The following FUT8 variants were observed in gnomAD, a reference collection of about 807,000 sequenced individuals.
FUT8 encodes the protein fucosyltransferase 8.
A neutral mutation model predicts 71.3 loss-of-function variants in FUT8; 29 were observed. The ratio of observed to expected loss-of-function variants is 0.41; its 90% CI spans 0.30 to 0.55. The LOEUF is 0.55. FUT8 is among the 20% of genes least tolerant of loss of function. The pLI is 0.34. For synonymous variants in FUT8, 254 were observed against 239.3 expected (o/e 1.06, Z -0.57); for missense variants, 544 against 702.1 (o/e 0.77, Z 2.55).
chr14:65,692,533 C>T (rs1288363908), intron 7 of FUT8, among the ~76,000 whole-genome samples: 11 of 134,158 alleles, frequency 8.2e-5, no homozygotes, highest in African/African-American at 2.3e-4. Flanking sequence ...CCCTCCCGGA[C>T]GGGGCGGCTG....
chr14:65,678,363 C>T (rs7145319), intron 7 of FUT8, among the ~76,000 whole-genome samples: 9,353 of 152,126 alleles, frequency 0.061, 520 homozygotes, highest in African/African-American at 0.14. Context: ...ATTTAGGTTG[C>T]CCTGTAAAAA....
intron 3 of FUT8, among the ~76,000 whole-genome samples, chr14:65,578,333 G>A (rs1015577640): frequency 4.6e-5 from 7 of 152,168 alleles, no homozygotes; most frequent in Non-Finnish European, 7.3e-5. Context: ...TGACACATCT[G>A]CTACAAAGTC....
intron 3 of FUT8, among the ~76,000 whole-genome samples, chr14:65,592,791 G>A (rs545761283): frequency 3.5e-4 from 53 of 152,216 alleles, no homozygotes; most frequent in Admixed American, 1.6e-3. Context: ...TGGGAACAAT[G>A]CATCTCATGT....
At chr14:65,389,103 C>A in the FUT8 span, among the ~76,000 whole-genome samples, 1 of 151,170 alleles carries the variant, frequency 6.6e-6, no homozygotes, top group African/African-American at 2.4e-5. Flanking sequence ...AAGTGATCCT[C>A]CTGCCTTGGT....
chr14:65,670,075 A>G (rs1175552437), intron 7 of FUT8, among the ~76,000 whole-genome samples: 1 of 152,252 alleles, frequency 6.6e-6, no homozygotes, highest in Non-Finnish European at 1.5e-5. Context: ...GGAAACATTT[A>G]ATGAATAGTA....
chr14:65,471,788 G>A (rs2066151172), intron 2 of FUT8, among the ~76,000 whole-genome samples: 1 of 151,864 alleles, frequency 6.6e-6, no homozygotes, highest in Non-Finnish European at 1.5e-5. Context: ...GAGGTTGGGA[G>A]TGATGAATTA....
intron 2 of FUT8, among the ~76,000 whole-genome samples, chr14:65,543,912 G>A (rs914739119): frequency 6.6e-5 from 10 of 152,172 alleles, no homozygotes; most frequent in African/African-American, 2.2e-4. Flanking sequence ...AAACAGATAT[G>A]CTAAGGTAGA....
At position 65,714,419 on chromosome 14, in the gene FUT8, TTTTATTTA is replaced by T. The variant is rs55846929; in HGVS notation, c.836-7319_836-7312del. The stretch of plus-strand genomic sequence containing the variant: ...TGTGTCTTTTGTGGTTCCATATAAA[TTTTATTTA>T]TTTATTTATTTATTTATTTATTTAT... On this transcript the variant is annotated intron_variant, in intron 7 of 10. Transcript: ENST00000673929. Among the ~76,000 whole-genome samples the T allele has an allele frequency of 5.9e-3, 857 of 145,478 alleles. 5 individuals carry two copies. Among genetic ancestry groups the T allele is most frequent in the East Asian group, 0.025 (125 of 5,002 alleles).
intron 2 of FUT8, among the ~76,000 whole-genome samples, chr14:65,513,214 A>G (rs924873850): frequency 6.6e-6 from 1 of 152,170 alleles, no homozygotes; most frequent in Non-Finnish European, 1.5e-5. Context: ...GTGTTTTCCT[A>G]GTGGATTAAT....
At chr14:65,499,196 C>A (rs528775459) in intron 2 of FUT8, among the ~76,000 whole-genome samples, 1 of 152,180 alleles carries the variant, frequency 6.6e-6, no homozygotes, top group African/African-American at 2.4e-5. Context: ...ACTACAGACA[C>A]ACACACACAC....
At chr14:65,547,378 G>T (rs964942538) in intron 2 of FUT8, among the ~76,000 whole-genome samples, 2 of 151,322 alleles carry the variant, frequency 1.3e-5, no homozygotes, top group African/African-American at 4.8e-5. Flanking sequence ...TTTTGTGTAA[G>T]TATTGTCATA....
At chr14:65,400,697 G>A in the FUT8 span, among the ~76,000 whole-genome samples, 1 of 152,084 alleles carries the variant, frequency 6.6e-6, no homozygotes, top group Non-Finnish European at 1.5e-5. Context: ...ACCAGCCTGG[G>A]CAACATAGAG....
At chr14:65,567,574 GAGAT>G (rs1317630633) in intron 3 of FUT8, among the ~76,000 whole-genome samples, 3 of 151,916 alleles carry the variant, frequency 2.0e-5, no homozygotes, top group Admixed American at 2.0e-4. Context: ...TAAAGCCAGT[GAGAT>G]AGATTGGAAT....
At chr14:65,535,510 T>C (rs183537384) in intron 2 of FUT8, among the ~76,000 whole-genome samples, 4 of 152,342 alleles carry the variant, frequency 2.6e-5, no homozygotes, top group Admixed American at 2.6e-4. Flanking sequence ...CTCACTAATG[T>C]TAAAGAACTT....
intron 2 of FUT8, among the ~76,000 whole-genome samples, chr14:65,488,854 CAG>C (rs2066445266): frequency 6.6e-6 from 1 of 152,018 alleles, no homozygotes; most frequent in African/African-American, 2.4e-5. Flanking sequence ...TTTCAGAGTA[CAG>C]AAAAAGAGGT....
chr14:65,430,074 CT>C (rs1349614629), intron 1 of FUT8: 6 of 150,794 alleles, frequency 4.0e-5, no homozygotes, highest in African/African-American at 4.9e-5. Context: ...GGCTGTAGTG[CT>C]GTAGTGCTTT....
chr14:65,515,667 T>G (rs930094855), intron 2 of FUT8, among the ~76,000 whole-genome samples: 1 of 152,000 alleles, frequency 6.6e-6, no homozygotes, highest in African/African-American at 2.4e-5. Flanking sequence ...TAAATTAGTG[T>G]TATTGTTGAG....
chr14:65,680,474 T>A (rs923045189), intron 7 of FUT8, among the ~76,000 whole-genome samples: 3 of 152,222 alleles, frequency 2.0e-5, no homozygotes, highest in African/African-American at 7.2e-5. Flanking sequence ...ATTGCCTTGG[T>A]CCCTTTTGTC....
chr14:65,574,851 G>A lies in FUT8; in HGVS notation c.203+13085G>A, dbSNP rs143021243. 1.1e-4 allele frequency among the ~76,000 whole-genome samples: 17 copies of A among 152,270 alleles called. No individual in the cohort carries two copies. In the East Asian group the frequency reaches 3.1e-3, roughly 28 times the overall value. ...AAGGGGCAAATAATGAGCAGATTCT[G>A]TGAAACATATCCTCTGAGGAGGAAC... On this transcript the variant is annotated intron_variant, in intron 3 of 10. Coordinates refer to ENST00000673929, the MANE Select transcript of FUT8 (RefSeq NM_001371533.1). This position sits in a 1 kb window ranked among gnomAD's most constrained non-coding sequence, Gnocchi z 5.2.
Sources: gnomAD v4.1 joint callset for allele counts (sites outside exome capture counted in the v4.1 genomes callset) on GRCh38, gnomAD v4.1.1 for gene constraint, Gnocchi (gnomAD v3.1) non-coding constraint, MANE v1.5 for transcripts, NCBI Gene and HGNC (gene_info 2026-07-23, HGNC 2026-07-21) for gene names.